Variants in DYNC1I1 observed in about 807,000 individuals in gnomAD.
DYNC1I1 encodes the protein dynein cytoplasmic 1 intermediate chain 1.
DYNC1I1 carries 43 observed loss-of-function variants against 86.6 expected under a neutral mutation model. The ratio of observed to expected loss-of-function variants is 0.50; its 90% CI spans 0.39 to 0.64. DYNC1I1 has a LOEUF of 0.64. Among genes scored for constraint, DYNC1I1 ranks in the 30% least tolerant of loss-of-function variants. The probability of loss-of-function intolerance (pLI) is 0.00; values close to 1 mark genes in which losing one functional copy is unlikely to be tolerated. For synonymous variants in DYNC1I1, 262 were observed against 283.7 expected (o/e 0.92, Z 0.77); for missense variants, 604 against 788.8 (o/e 0.77, Z 2.81).
chr7:95,773,374 C>T (rs1318103444), intron 1 of DYNC1I1, among the ~76,000 whole-genome samples: 1 of 152,168 alleles, frequency 6.6e-6, no homozygotes, highest in Non-Finnish European at 1.5e-5. Flanking sequence ...TTTTGGTAAA[C>T]ACCTTCACGG....
intron 6 of DYNC1I1, among the ~76,000 whole-genome samples, chr7:95,904,077 CATAGGT>C (rs79710678): frequency 0.048 from 7,338 of 152,160 alleles, 235 homozygotes; most frequent in Non-Finnish European, 0.073. Flanking sequence ...TTTCTGGAGG[CATAGGT>C]ACTAGGCAGC....
intron 6 of DYNC1I1, among the ~76,000 whole-genome samples, chr7:95,909,749 G>A (rs1791279248): frequency 6.6e-6 from 1 of 152,032 alleles, no homozygotes; most frequent in African/African-American, 2.4e-5. Flanking sequence ...AAGCCACTTT[G>A]GTGTGACAAG....
At chr7:95,960,554 T>C (rs760082733) in intron 6 of DYNC1I1, among the ~76,000 whole-genome samples, 2 of 152,180 alleles carry the variant, frequency 1.3e-5, no homozygotes, top group Non-Finnish European at 2.9e-5. Context: ...CCTCCTAGTG[T>C]ATAGAACACT....
intron 6 of DYNC1I1, among the ~76,000 whole-genome samples, chr7:95,925,711 A>C (rs1791728122): frequency 1.3e-5 from 2 of 152,352 alleles, no homozygotes; most frequent in African/African-American, 4.8e-5. Flanking sequence ...TCATAGATGC[A>C]GAGTAAGAGC....
At chr7:95,871,158 G>T (rs868453683) in intron 6 of DYNC1I1, among the ~76,000 whole-genome samples, 3 of 152,160 alleles carry the variant, frequency 2.0e-5, no homozygotes, top group Admixed American at 1.3e-4. Flanking sequence ...CCGGGGTGCC[G>T]TTAGGCATTC....
intron 5 of DYNC1I1, among the ~76,000 whole-genome samples, chr7:95,850,934 T>C (rs966612242): frequency 6.6e-6 from 1 of 152,164 alleles, no homozygotes; most frequent in Non-Finnish European, 1.5e-5. Flanking sequence ...ACAGAAGCAC[T>C]GTAATACCAC....
intron 6 of DYNC1I1, among the ~76,000 whole-genome samples, chr7:95,916,418 T>C (rs1314240398): frequency 6.6e-6 from 1 of 152,228 alleles, no homozygotes; most frequent in East Asian, 1.9e-4. Flanking sequence ...ACTCCATGTT[T>C]ATTTGAACAG....
At chr7:96,104,501 T>G (rs150496111) in intron 16 of DYNC1I1, among the ~76,000 whole-genome samples, 20 of 152,288 alleles carry the variant, frequency 1.3e-4, no homozygotes, top group African/African-American at 4.3e-4. Context: ...TTGTTTTAGC[T>G]TTTACCTTTA....
intron 6 of DYNC1I1, among the ~76,000 whole-genome samples, chr7:95,923,180 G>A (rs1237862186): frequency 1.3e-5 from 2 of 152,046 alleles, no homozygotes; most frequent in African/African-American, 4.8e-5. Context: ...TTTGGGTAAA[G>A]ACTTCAGCTC....
chr7:95,872,948 A>T (rs74382939), intron 6 of DYNC1I1, among the ~76,000 whole-genome samples: 8,520 of 152,208 alleles, frequency 0.056, 573 homozygotes, highest in African/African-American at 0.16. Flanking sequence ...TGCATGGCTT[A>T]TCCTGAGTAC....
At chr7:95,967,931 C>T (rs2116530243) in intron 6 of DYNC1I1, among the ~76,000 whole-genome samples, 1 of 152,198 alleles carries the variant, frequency 6.6e-6, no homozygotes, top group Admixed American at 6.5e-5. Context: ...GGGGTGAACA[C>T]AGTAGAGGAC....
chr7:96,048,890 T>A (rs1789300407), intron 14 of DYNC1I1, among the ~76,000 whole-genome samples: 1 of 152,184 alleles, frequency 6.6e-6, no homozygotes, highest in Non-Finnish European at 1.5e-5. Context: ...AACTTGACAA[T>A]ATGGGCTAAT....
intron 6 of DYNC1I1, among the ~76,000 whole-genome samples, chr7:95,956,864 TA>T (rs1251144888): frequency 1.3e-5 from 2 of 152,170 alleles, no homozygotes; most frequent in Admixed American, 6.5e-5. Context: ...TGTCTTCATT[TA>T]ATTGGCTATT....
chr7:96,030,760 C>T (rs1794790617), intron 11 of DYNC1I1, among the ~76,000 whole-genome samples: 1 of 152,084 alleles, frequency 6.6e-6, no homozygotes, highest in Non-Finnish European at 1.5e-5. Context: ...TACATCCAAT[C>T]TTCCATTTGA....
chr7:95,841,572 C>T (rs1486548294), intron 5 of DYNC1I1, among the ~76,000 whole-genome samples: 1 of 151,996 alleles, frequency 6.6e-6, no homozygotes, highest in African/African-American at 2.4e-5. Flanking sequence ...TTAGTAACTA[C>T]ACTCCCAAGC....
intron 6 of DYNC1I1, among the ~76,000 whole-genome samples, chr7:95,897,434 C>T (rs1790911295): frequency 6.8e-6 from 1 of 147,650 alleles, no homozygotes; most frequent in Admixed American, 6.8e-5. Context: ...GACTTGTCCT[C>T]TATTGACCAT....
chr7:95,785,778 T>TATATATATATATATATATAC (rs1794122056), intron 1 of DYNC1I1, among the ~76,000 whole-genome samples: 1 of 7,578 alleles, frequency 1.3e-4, no homozygotes, highest in African/African-American at 1.9e-3. Flanking sequence ...TGTATGTGTA[T>TATATATATATATATATATAC]ATATATATAT....
intron 6 of DYNC1I1, among the ~76,000 whole-genome samples, chr7:95,888,850 T>C (rs1790664963): frequency 6.6e-6 from 1 of 152,146 alleles, no homozygotes; most frequent in South Asian, 2.1e-4. Flanking sequence ...TTGAACTGAT[T>C]TGTAATTCTA....
At chr7:96,072,248 G>A (rs1266546067) in intron 14 of DYNC1I1, among the ~76,000 whole-genome samples, 1 of 152,124 alleles carries the variant, frequency 6.6e-6, no homozygotes, top group East Asian at 1.9e-4. Flanking sequence ...GCTGGGCTGT[G>A]CCTGGATACT....
Sources: gnomAD v4.1 joint callset for allele counts (sites outside exome capture counted in the v4.1 genomes callset) on GRCh38, gnomAD v4.1.1 for gene constraint, MANE v1.5 for transcripts, NCBI Gene and HGNC (gene_info 2026-07-23, HGNC 2026-07-21) for gene names.